The following BLVRA variants were observed in gnomAD, a reference collection of about 807,000 sequenced individuals.
The protein encoded by BLVRA is BVR A.
A neutral mutation model predicts 32.8 loss-of-function variants in BLVRA; 22 were observed. That is an observed-to-expected ratio of 0.67 (90% CI 0.48 to 0.96). The LOEUF (loss-of-function observed/expected upper bound fraction) is 0.96, where lower values mean the gene tolerates loss of function less well. BLVRA is among the 40% of genes least tolerant of loss of function. BLVRA has a pLI of 0.00. For synonymous variants in BLVRA, 119 were observed against 141.3 expected, an observed-to-expected ratio of 0.84 and a Z score of 1.12; for missense variants, 323 against 358.1, an observed-to-expected ratio of 0.90 and a Z score of 0.79.
chr7:43,780,265 G>A (rs1249514571), intron 2 of BLVRA, among the ~76,000 whole-genome samples: 3 of 152,024 alleles, frequency 2.0e-5, no homozygotes, highest in African/African-American at 4.8e-5. Flanking sequence ...GCTCCTCCTC[G>A]AAGGGCCATC....
chr7:43,759,102 C>G (rs536081280), intron 1 of BLVRA, among the ~76,000 whole-genome samples: 1 of 152,232 alleles, frequency 6.6e-6, no homozygotes, highest in African/African-American at 2.4e-5. Flanking sequence ...TCCAGGAGCG[C>G]GAGCGGCTGG....
In BLVRA at chr7:43,787,212, C is replaced by A. The variant is rs981427431; in HGVS notation, c.13-692C>A. Among the ~76,000 whole-genome samples the A allele has an allele frequency of 6.6e-6, 1 of 152,096 alleles. No individual in the cohort carries two copies. Among genetic ancestry groups the A allele is most frequent in the African/African-American group, 2.4e-5 (1 of 41,416 alleles). On this transcript the variant is annotated intron_variant, in intron 2 of 7. Transcript: ENST00000265523. This position sits in a 1 kb window ranked among gnomAD's most constrained non-coding sequence, Gnocchi z 4.5. ...TGCTGGGATTACAGGCGTGAGCCAC[C>A]GTGCCCAGTGCATGGAGATAAATTT...
chr7:43,771,187 G>A lies in BLVRA; in HGVS notation c.12+17G>A. 6.2e-7 allele frequency: 1 copy of A among 1,613,268 alleles called. No individual in the cohort carries two copies. Among genetic ancestry groups the A allele is most frequent in the African/African-American group, 1.3e-5 (1 of 75,028 alleles). On this transcript the variant is annotated intron_variant, in intron 2 of 7. Coordinates refer to ENST00000265523, the MANE Select transcript of BLVRA (RefSeq NM_000712.4). ...AATGCAGAGGTGAGTTCTTTACAAA[G>A]ACCAGTTTAAGGGATGCTTTTCTTA...
At chr7:43,765,548 G>A (rs2095746931) in intron 1 of BLVRA, among the ~76,000 whole-genome samples, 1 of 151,972 alleles carries the variant, frequency 6.6e-6, no homozygotes, top group Non-Finnish European at 1.5e-5. Context: ...CTCCACACCC[G>A]GCCTATTTAT....
At chr7:43,806,586 A>T (rs979722832) in intron 7 of BLVRA, among the ~76,000 whole-genome samples, 9 of 151,828 alleles carry the variant, frequency 5.9e-5, no homozygotes, top group African/African-American at 2.2e-4. Flanking sequence ...TACTAAAAAT[A>T]TTTTTTTAAA....
chr7:43,759,960 CAG>C (rs1450228598), intron 1 of BLVRA: 1 of 149,974 alleles, frequency 6.7e-6, no homozygotes, highest in Non-Finnish European at 1.5e-5. Flanking sequence ...GAATAATTCT[CAG>C]TGTGTTTTCC....
rs1436097364 is a variant in BLVRA, at chr7:43,787,050, G to T, written c.13-854G>T. Among the ~76,000 whole-genome samples the T allele has an allele frequency of 2.0e-5, 3 of 151,868 alleles. No homozygotes were observed. The highest frequency in any genetic ancestry group is 1.5e-5 in the Non-Finnish European group (1 of 67,976). ...CAATTCTCCTGCCTCGGCCTCCTAA[G>T]TAGCTGGGATTACAGGCGCCTGCCA... On this transcript the variant is annotated intron_variant, in intron 2 of 7. Coordinates refer to ENST00000265523, the MANE Select transcript of BLVRA (RefSeq NM_000712.4). This position sits in a 1 kb window ranked among gnomAD's most constrained non-coding sequence, Gnocchi z 4.5.
In BLVRA at chr7:43,779,564, C is replaced by T. The variant is rs1352875881; in HGVS notation, c.13-8340C>T. On this transcript the variant is annotated intron_variant, in intron 2 of 7. Coordinates refer to ENST00000265523, the MANE Select transcript of BLVRA (RefSeq NM_000712.4). Reference sequence around the variant, plus strand: ...AAAGTAAGTCTCCCTATTACGTTATCTTGACCAGCCCTGCCCCACTTGGGG... The same window carrying T: ...AAAGTAAGTCTCCCTATTACGTTATTTTGACCAGCCCTGCCCCACTTGGGG... Among the ~76,000 whole-genome samples, 3 of 152,230 alleles carry T rather than the reference C, an allele frequency of 2.0e-5. No individual in the cohort carries two copies. In the East Asian group the frequency reaches 5.8e-4, roughly 29 times the overall value.
At chr7:43,782,019 T>C (rs569123307) in intron 2 of BLVRA, among the ~76,000 whole-genome samples, 2 of 152,370 alleles carry the variant, frequency 1.3e-5, no homozygotes, top group South Asian at 2.1e-4. Context: ...CTCCCTCTTA[T>C]GAATTTCCAT....
chr7:43,779,967 G>C (rs528055824), intron 2 of BLVRA, among the ~76,000 whole-genome samples: 1 of 151,646 alleles, frequency 6.6e-6, no homozygotes. Context: ...TCTGCCTCCC[G>C]GGTTCATGCG....
intron 2 of BLVRA, among the ~76,000 whole-genome samples, chr7:43,779,603 A>G (rs1253056460): frequency 6.6e-6 from 1 of 152,210 alleles, no homozygotes; most frequent in East Asian, 1.9e-4. Flanking sequence ...ACTTCTGGTA[A>G]CCACTTTCTT....
At chr7:43,764,901 G>A (rs975874068) in intron 1 of BLVRA, among the ~76,000 whole-genome samples, 4 of 152,096 alleles carry the variant, frequency 2.6e-5, no homozygotes, top group Admixed American at 6.5e-5. Context: ...AAGGGACCCC[G>A]TGTCCTGCTC....
At chr7:43,776,741 G>GATTTGTCTAA (rs2095761472) in intron 2 of BLVRA, among the ~76,000 whole-genome samples, 2 of 152,076 alleles carry the variant, frequency 1.3e-5, no homozygotes, top group African/African-American at 2.4e-5. Context: ...TGACAGTGGG[G>GATTTGTCTAA]TGTTAAAGTC....
intron 1 of BLVRA, among the ~76,000 whole-genome samples, chr7:43,760,915 C>T (rs1301248932): frequency 1.3e-5 from 2 of 152,016 alleles, no homozygotes; most frequent in Admixed American, 6.5e-5. Context: ...ATTACAGGCA[C>T]GCACCACCAT....
intron 2 of BLVRA, among the ~76,000 whole-genome samples, chr7:43,775,600 T>G (rs2095759841): frequency 6.6e-6 from 1 of 152,340 alleles, no homozygotes; most frequent in Admixed American, 6.5e-5. Flanking sequence ...TCTAAAATTC[T>G]CTTTTTTGGT....
intron 1 of BLVRA, among the ~76,000 whole-genome samples, chr7:43,759,415 T>A (rs2095739868): frequency 6.6e-6 from 1 of 152,254 alleles, no homozygotes; most frequent in South Asian, 2.1e-4. Context: ...CAGTTTTGGA[T>A]ACTAATTTTT....
At chr7:43,771,064 G>T in intron 1 of BLVRA, 74 bp from the exon 2 acceptor site, 1 of 1,301,758 alleles carries the variant, frequency 7.7e-7, no homozygotes, top group Non-Finnish European at 1.1e-6. Flanking sequence ...AGCATGGGGT[G>T]GCAAAGGGGA....
At chr7:43,760,303 T>G (rs569719667) in intron 1 of BLVRA, among the ~76,000 whole-genome samples, 1 of 135,312 alleles carries the variant, frequency 7.4e-6, no homozygotes, top group South Asian at 2.3e-4. Context: ...TTGTATTTAG[T>G]TTTTGATCTA....
At chr7:43,762,681 G>A (rs974829176) in intron 1 of BLVRA, among the ~76,000 whole-genome samples, 9 of 146,408 alleles carry the variant, frequency 6.1e-5, no homozygotes, top group East Asian at 2.1e-4. Flanking sequence ...GGACGGTCTC[G>A]GCTCATTGCA....
Sources: allele counts gnomAD v4.1 joint callset (sites outside exome capture counted in the v4.1 genomes callset), GRCh38; gene constraint gnomAD v4.1.1; non-coding constraint Gnocchi (gnomAD v3.1); transcripts MANE v1.5; gene names NCBI Gene and HGNC (gene_info 2026-07-23, HGNC 2026-07-21).